The following TM2D2 variants were observed in gnomAD, a reference collection of about 807,000 sequenced individuals.
TM2D2 encodes the protein TM2 domain containing 2.
A neutral mutation model predicts 23.0 loss-of-function variants in TM2D2; 19 were observed. The ratio of observed to expected loss-of-function variants is 0.82; its 90% CI spans 0.58 to 1.21. The LOEUF (loss-of-function observed/expected upper bound fraction) is 1.21. Ranked by LOEUF, TM2D2 falls within the 50% of genes most tolerant of loss-of-function variation. The pLI is 0.00. For synonymous variants in TM2D2, 120 were observed against 108.8 expected (o/e 1.10, Z -0.64); for missense variants, 246 against 265.4 (o/e 0.93, Z 0.51).
At position 38,996,384 on chromosome 8, in the gene TM2D2, A is replaced by G; in HGVS notation, c.56T>C (p.Leu19Ser). The change falls in exon 1 of 4, where the codon TTG becomes TCG. Residue 19 changes from leucine to serine, a missense_variant. This residue lies in a region of TM2D2 where 212 missense variants were observed against 202.2 expected (regional missense o/e 1.05). Transcript: ENST00000456397. ...CAGCAGAAGTAAATTCCCCAGCAGC[A>G]AAGCCGCCTGGCCGCACAGAAGTAA... ...SYLLLCGQAA[L>S]LLGNLLLLHC... is the part of the protein sequence containing the mutation. The G allele has an allele frequency of 6.2e-7, 1 of 1,614,204 alleles. No homozygotes were observed. The highest frequency in any genetic ancestry group is 8.5e-7 in the Non-Finnish European group (1 of 1,180,026).
chr8:38,993,040 A>C (rs1835649867), intron 3 of TM2D2, among the ~76,000 whole-genome samples: 1 of 152,180 alleles, frequency 6.6e-6, no homozygotes, highest in Non-Finnish European at 1.5e-5. Context: ...TATTCCTGAA[A>C]TACTAGGGCA....
Position 38,996,498 on chromosome 8 carries a change from G to C in TM2D2, c.-59C>G, listed in dbSNP as rs967928626. The C allele has an allele frequency of 6.9e-6, 11 of 1,604,710 alleles. No individual in the cohort carries two copies. Among genetic ancestry groups the C allele is most frequent in the Middle Eastern group, 1.7e-4 (1 of 6,014 alleles). Reference sequence around the variant, plus strand: ...ACCACAACCCCAGGCCAGCAGCACAGACCCAAGAACTGCGTGGTCAGGCCT... The same window carrying C: ...ACCACAACCCCAGGCCAGCAGCACACACCCAAGAACTGCGTGGTCAGGCCT... On this transcript the variant is annotated 5_prime_UTR_variant, in exon 1 of 4. Transcript: ENST00000456397.
chr8:38,995,232 T>A lies in TM2D2; in HGVS notation c.315+86A>T. On this transcript the variant is annotated intron_variant, in intron 2 of 3. Transcript: ENST00000456397. ...TGAGGAAATTCTTCAAAAAACTTTG[T>A]ACCTCTTATACTTTTATGTAATAGC... 3 of 998,274 alleles carry A rather than the reference T, an allele frequency of 3.0e-6. No homozygotes were observed. In the South Asian group the frequency reaches 4.9e-5, roughly 16 times the overall value. 61.8% of individuals were successfully genotyped at this position (998,274 alleles called of 1,614,324 possible).
chr8:38,994,688 T>C (rs1341024370), intron 2 of TM2D2, among the ~76,000 whole-genome samples: 1 of 152,158 alleles, frequency 6.6e-6, no homozygotes, highest in African/African-American at 2.4e-5. Context: ...AGGAGATACA[T>C]GAACTTCATT....
chr8:38,996,222 C>T lies in TM2D2; in HGVS notation c.218G>A (p.Cys73Tyr). The T allele has an allele frequency of 1.2e-6, 2 of 1,613,494 alleles. No individual in the cohort carries two copies. The highest frequency in any genetic ancestry group is 1.7e-6 in the Non-Finnish European group (2 of 1,179,790). ...YGDPHSPVILCSYLPDEFIEC... is the reference protein window; with the variant it reads ...YGDPHSPVILYSYLPDEFIEC... ...ACCACTGGTAGCTTACAGGTAAGAG[C>T]AGAGGATGACCGGAGAGTGGGGGTC... The change falls in exon 1 of 4, where the codon TGC becomes TAC. Residue 73 changes from cysteine (C) to tyrosine (Y), a missense_variant. Transcript: ENST00000456397.
Position 38,996,451 on chromosome 8 carries a change from C to T in TM2D2, c.-12G>A. On this transcript the variant is annotated 5_prime_UTR_variant, in exon 1 of 4. In the 5' UTR this introduces an upstream ATG that the reference lacks. Transcript: ENST00000456397. ...CCACCTAGCACCATCTTCCCGGGCA[C>T]AGGAGCGGAGACCCGGCCTCAACCA... The T allele has an allele frequency of 6.2e-7, 1 of 1,613,700 alleles. No homozygotes were observed. The highest frequency in any genetic ancestry group is 8.5e-7 in the Non-Finnish European group (1 of 1,179,824).
chr8:38,995,434 T>C (rs760710431), intron 1 of TM2D2, 29 bp from the exon 2 acceptor site: 1 of 1,611,384 alleles, frequency 6.2e-7, no homozygotes, highest in Non-Finnish European at 8.5e-7. Flanking sequence ...ATCATGATCA[T>C]CATCATACGG....
chr8:38,992,297 T>C, intron 3 of TM2D2, among the ~76,000 whole-genome samples: 1 of 117,566 alleles, frequency 8.5e-6, no homozygotes. Flanking sequence ...GAGACCCTGT[T>C]TCTACCAAAA....
At chr8:38,996,905 A>T (rs1397714060), upstream of TM2D2, 56 of 1,443,254 alleles carry the variant, frequency 3.9e-5, no homozygotes, top group Non-Finnish European at 5.1e-5. Flanking sequence ...CCGAGGGCTC[A>T]GTTGCGTCAG....
chr8:38,991,161 A>G lies in TM2D2; in HGVS notation c.*171T>C, dbSNP rs925487118. On this transcript the variant is annotated 3_prime_UTR_variant, in exon 4 of 4. Transcript: ENST00000456397. The stretch of plus-strand genomic sequence containing the variant: ...CTTGTCATTCCGTCTGCAAGGTAAA[A>G]TCTGGGTTGAAATTCCAAAGTCCAA... 1 of 628,686 alleles carries G rather than the reference A, an allele frequency of 1.6e-6. No individual in the cohort carries two copies. 38.9% of individuals were successfully genotyped at this position (628,686 alleles called of 1,614,324 possible). A position where few individuals can be genotyped will look rare whatever the true frequency, so the allele number is the denominator to read the frequency against.
intron 3 of TM2D2, among the ~76,000 whole-genome samples, chr8:38,992,979 G>A (rs1835648508): frequency 6.6e-6 from 1 of 152,130 alleles, no homozygotes. Flanking sequence ...TTACCTTAAT[G>A]ATAAACTGAT....
chr8:38,994,603 C>T (rs573730293), intron 2 of TM2D2, among the ~76,000 whole-genome samples: 36 of 152,232 alleles, frequency 2.4e-4, no homozygotes, highest in Middle Eastern at 3.4e-3. Flanking sequence ...CATGCCTTCC[C>T]ATCATTCTCT....
chr8:38,996,321 G>A lies in TM2D2; in HGVS notation c.119C>T (p.Ala40Val), dbSNP rs199784647. The A allele has an allele frequency of 8.1e-6, 13 of 1,614,046 alleles. No individual in the cohort carries two copies. The highest frequency in any genetic ancestry group is 2.7e-5 in the African/African-American group (2 of 74,938). The change falls in exon 1 of 4, where the codon GCT becomes GTT. Residue 40 changes from alanine (A) to valine (V), a missense_variant. This residue lies in a region of TM2D2 where 212 missense variants were observed against 202.2 expected (regional missense o/e 1.05). Transcript: ENST00000456397. ...GCCAGCGGATGTGAGCTCAGGCTCAGCGGTCGCATTTTGCGAGTGGCTCCG... is the reference window on the plus strand; with the variant it reads ...GCCAGCGGATGTGAGCTCAGGCTCAACGGTCGCATTTTGCGAGTGGCTCCG... ...VSRSHSQNAT[A>V]EPELTSAGAA...
chr8:38,996,780 T>C (rs1835819046), upstream of TM2D2: 5 of 1,420,990 alleles, frequency 3.5e-6, no homozygotes, highest in East Asian at 5.2e-5. Context: ...CGGATATGAC[T>C]GGCGGGCCGA....
intron 3 of TM2D2, 79 bp downstream of exon 3, chr8:38,993,466 A>G: frequency 3.7e-6 from 4 of 1,079,944 alleles, no homozygotes; most frequent in Admixed American, 2.4e-5. Flanking sequence ...TTAAAACAAA[A>G]AATAAATAAA....
intron 1 of TM2D2, chr8:38,995,926 G>A (rs1835764630): frequency 1.3e-6 from 1 of 743,286 alleles, no homozygotes; most frequent in Non-Finnish European, 2.0e-6. Flanking sequence ...GGGCTAAAGG[G>A]CGCAGGGCAA....
In TM2D2 at chr8:38,993,664, T is replaced by C. The variant is rs752501889; in HGVS notation, c.316-4A>G. ...CGCTGTAGGCCTGACCGCCGAACTG[T>C]GGAATAACAACCAAGACCAAAACCA... On this transcript the variant is annotated splice_region_variant and splice_polypyrimidine_tract_variant and intron_variant, in intron 2 of 3. Coordinates refer to ENST00000456397, the MANE Select transcript of TM2D2 (RefSeq NM_078473.3). The C allele has an allele frequency of 6.2e-7, 1 of 1,611,656 alleles. No homozygotes were observed. Among genetic ancestry groups the C allele is most frequent in the Non-Finnish European group, 8.5e-7 (1 of 1,178,392 alleles).
At chr8:38,996,154 C>G (rs1004560313) in intron 1 of TM2D2, 59 bp downstream of exon 1, 14 of 1,561,970 alleles carry the variant, frequency 9.0e-6, no homozygotes, top group Non-Finnish European at 1.2e-5. Flanking sequence ...CTTCCCTTAA[C>G]ACCCATATAT....
In TM2D2 at chr8:38,996,401, C is replaced by A; in HGVS notation, c.39G>T (p.Leu13=). The A allele has an allele frequency of 1.2e-6, 2 of 1,614,232 alleles. No homozygotes were observed. Among genetic ancestry groups the A allele is most frequent in the East Asian group, 2.2e-5 (1 of 44,882 alleles). ...LGGCPVSYLL[L]CGQAALLLGN... is the part of the protein sequence containing the mutation. ...CCAGCAGCAAAGCCGCCTGGCCGCA[C>A]AGAAGTAAGTAACTAACCGGGCAAC... Residue 13 remains leucine, a synonymous_variant, in exon 1 of 4, where the codon CTG becomes CTT. Transcript: ENST00000456397.
Sources: allele counts gnomAD v4.1 joint callset (sites outside exome capture counted in the v4.1 genomes callset), GRCh38; gene constraint gnomAD v4.1.1; regional missense constraint gnomAD v4.1.1; transcripts MANE v1.5; gene names NCBI Gene and HGNC (gene_info 2026-07-23, HGNC 2026-07-21).